The following RCL1 variants were observed in gnomAD, a reference collection of about 807,000 sequenced individuals.
The protein encoded by RCL1 is RNA terminal phosphate cyclase like 1.
Under a neutral mutation model 42.4 loss-of-function variants are expected in RCL1, and 24 were observed. The observed-to-expected ratio is 0.57, with a 90% CI of 0.41 to 0.80. The LOEUF (loss-of-function observed/expected upper bound fraction) is 0.80. RCL1 is among the 30% of genes least tolerant of loss of function. The pLI is 0.00. For synonymous variants in RCL1, 228 were observed against 177.3 expected, an observed-to-expected ratio of 1.29 and a Z score of -2.27; for missense variants, 578 against 467.9, an observed-to-expected ratio of 1.24 and a Z score of -2.17.
chr9:4,820,688 A>T lies in RCL1; in HGVS notation c.137-2860A>T, dbSNP rs115216644. On this transcript the variant is annotated intron_variant, in intron 1 of 8. Coordinates refer to ENST00000381750, the MANE Select transcript of RCL1 (RefSeq NM_005772.5). ...TTTAGACACTTAGAAAGTTTGAACA[A>T]ATCAAGGGCTTTCCTTTTTTCTGCA... is the stretch of plus-strand genomic sequence containing the variant. 8.5e-3 allele frequency among the ~76,000 whole-genome samples: 1,301 copies of T among 152,320 alleles called. 19 individuals are homozygous for T. Among genetic ancestry groups the T allele is most frequent in the African/African-American group, 0.029 (1,215 of 41,560 alleles).
intron 8 of RCL1, among the ~76,000 whole-genome samples, chr9:4,854,602 A>G (rs549464214): frequency 1.3e-5 from 2 of 152,202 alleles, no homozygotes; most frequent in East Asian, 3.9e-4. Context: ...AATCTCTCAC[A>G]TGCTTCAAAA....
At chr9:4,805,820 C>G (rs1202369195) in intron 1 of RCL1, among the ~76,000 whole-genome samples, 1 of 152,164 alleles carries the variant, frequency 6.6e-6, no homozygotes, top group Non-Finnish European at 1.5e-5. Context: ...AGCAGCTGTG[C>G]TTGCCTTGTC....
intron 1 of RCL1, among the ~76,000 whole-genome samples, chr9:4,805,727 G>A (rs905617912): frequency 3.9e-5 from 6 of 152,094 alleles, no homozygotes; most frequent in African/African-American, 9.7e-5. Context: ...GGTGGATGGA[G>A]GAGGGGTGAG....
At chr9:4,833,547 T>G (rs1817021695) in intron 4 of RCL1, among the ~76,000 whole-genome samples, 1 of 152,352 alleles carries the variant, frequency 6.6e-6, no homozygotes, top group South Asian at 2.1e-4. Flanking sequence ...GAGAATAGAT[T>G]TGGGCCATAT....
At chr9:4,804,120 CT>C (rs1172491526) in intron 1 of RCL1, 1 of 152,570 alleles carries the variant, frequency 6.6e-6, no homozygotes, top group Non-Finnish European at 1.5e-5. Flanking sequence ...GCAGCGAGAC[CT>C]GCAGCTACAT....
At chr9:4,820,020 G>A (rs114201960) in intron 1 of RCL1, among the ~76,000 whole-genome samples, 1,639 of 152,244 alleles carry the variant, frequency 0.011, 28 homozygotes, top group African/African-American at 0.038. Context: ...ACATCTTTTA[G>A]CTATTTACAG....
chr9:4,814,526 C>G (rs1327923700), intron 1 of RCL1, among the ~76,000 whole-genome samples: 2 of 152,164 alleles, frequency 1.3e-5, no homozygotes, highest in South Asian at 4.1e-4. Flanking sequence ...CTTGGCTTCC[C>G]AAAGTGTTGG....
chr9:4,819,092 A>C (rs1816494519), intron 1 of RCL1, among the ~76,000 whole-genome samples: 1 of 152,196 alleles, frequency 6.6e-6, no homozygotes, highest in Admixed American at 6.5e-5. Flanking sequence ...TGTGTATTTT[A>C]AGAAATATGC....
intron 5 of RCL1, among the ~76,000 whole-genome samples, chr9:4,835,563 C>G (rs906152388): frequency 1.3e-5 from 2 of 152,166 alleles, no homozygotes; most frequent in African/African-American, 2.4e-5. Context: ...GAGGGAGTAA[C>G]TTGATGAAGC....
At chr9:4,796,522 A>T (rs1402706485) in intron 1 of RCL1, among the ~76,000 whole-genome samples, 1 of 152,140 alleles carries the variant, frequency 6.6e-6, no homozygotes, top group Non-Finnish European at 1.5e-5. Context: ...TAGCTTCCTG[A>T]GTAGCTGGAA....
chr9:4,797,661 C>T (rs1842933244), intron 1 of RCL1, among the ~76,000 whole-genome samples: 1 of 152,190 alleles, frequency 6.6e-6, no homozygotes, highest in Non-Finnish European at 1.5e-5. Context: ...TGTAGAAAAA[C>T]CCTGGCCTAC....
At chr9:4,800,698 G>A (rs1472120101) in intron 1 of RCL1, among the ~76,000 whole-genome samples, 1 of 149,558 alleles carries the variant, frequency 6.7e-6, no homozygotes, top group Non-Finnish European at 1.5e-5. Context: ...TGACTTCCAG[G>A]CTGGAATGCA....
intron 2 of RCL1, among the ~76,000 whole-genome samples, chr9:4,824,053 C>G (rs530481967): frequency 6.9e-4 from 105 of 152,254 alleles, no homozygotes; most frequent in Non-Finnish European, 1.4e-3. Context: ...AGCAAAGTCT[C>G]TCCTCTTTTT....
At chr9:4,839,352 TTAG>T (rs1434220153) in intron 5 of RCL1, among the ~76,000 whole-genome samples, 2 of 152,176 alleles carry the variant, frequency 1.3e-5, no homozygotes, top group Non-Finnish European at 2.9e-5. Context: ...TTTTTTTGTC[TTAG>T]TTGTCTTTAA....
chr9:4,817,943 A>T, intron 1 of RCL1, among the ~76,000 whole-genome samples: 1 of 77,362 alleles, frequency 1.3e-5, no homozygotes. Context: ...TTTTTGAGAC[A>T]GAATTTGGCT....
intron 1 of RCL1, among the ~76,000 whole-genome samples, chr9:4,815,319 C>G (rs986943640): frequency 4.6e-5 from 7 of 151,858 alleles, no homozygotes; most frequent in Non-Finnish European, 7.4e-5. Flanking sequence ...TTTCTTATTT[C>G]TTTGAGTAGG....
intron 8 of RCL1, chr9:4,850,306 T>C (rs750516476): frequency 1.9e-6 from 1 of 534,314 alleles, no homozygotes; most frequent in South Asian, 1.4e-5. Context: ...AACTGTCCTT[T>C]TTCGGTTATC....
At chr9:4,848,710 T>A (rs1169310359) in intron 7 of RCL1, among the ~76,000 whole-genome samples, 1 of 151,774 alleles carries the variant, frequency 6.6e-6, no homozygotes. Context: ...GCTGAGAAAA[T>A]GAAAAACAAA....
At position 4,841,180 on chromosome 9, in the gene RCL1, T is replaced by G. The variant is rs1350284554; in HGVS notation, c.585-52T>G. On this transcript the variant is annotated intron_variant, in intron 5 of 8. Transcript: ENST00000381750. ...ATACTTGCCAGCTTTATAACTGATT[T>G]TTCTCTGTCCTGGAATTCAAGCAGA... 3 of 1,608,878 alleles carry G rather than the reference T, an allele frequency of 1.9e-6. No individual in the cohort carries two copies. The African/African-American group carries it at 4.0e-5, about 22-fold the overall frequency.
Sources: gnomAD v4.1 joint callset for allele counts (sites outside exome capture counted in the v4.1 genomes callset) on GRCh38, gnomAD v4.1.1 for gene constraint, MANE v1.5 for transcripts, NCBI Gene and HGNC (gene_info 2026-07-23, HGNC 2026-07-21) for gene names.